The following MYH3 variants were observed in gnomAD, a reference collection of about 807,000 sequenced individuals.
The protein encoded by MYH3 is myosin heavy chain 3, also known as myosin-3.
Under a neutral mutation model 238.0 loss-of-function variants are expected in MYH3, and 130 were observed. That is an observed-to-expected ratio of 0.55 (90% CI 0.47 to 0.63). The LOEUF is 0.63. Among genes scored for constraint, MYH3 ranks in the 30% least tolerant of loss-of-function variants. MYH3 has a pLI of 0.00. For missense variants in MYH3, 1,853 were observed against 2,374.9 expected, an observed-to-expected ratio of 0.78 and a Z score of 4.57; for synonymous variants, 880 against 924.1, an observed-to-expected ratio of 0.95 and a Z score of 0.86.
At position 10,629,660 on chromosome 17, in the gene MYH3, C is replaced by T. The variant is rs1350282833; in HGVS notation, c.5733G>A (p.Ala1911=). 33 of 1,614,094 alleles carry T rather than the reference C, an allele frequency of 2.0e-5. No individual in the cohort carries two copies. Among genetic ancestry groups the T allele is most frequent in the Non-Finnish European group, 2.5e-5 (30 of 1,180,062 alleles). The change falls in exon 40 of 41, where the codon GCG becomes GCA. Residue 1911 remains alanine (A), a synonymous_variant. Coordinates refer to ENST00000583535, the MANE Select transcript of MYH3 (RefSeq NM_002470.4). ...QHELEEAEER[A]DIAESQVNKL... ...TGTTGACTTGAGATTCTGCGATATC[C>T]GCACGTTCCTCGGCCTCCTCCAGCT...
intron 17 of MYH3, among the ~76,000 whole-genome samples, 173 bp from the exon 18 acceptor site, chr17:10,641,545 C>T (rs1216128529): frequency 7.3e-5 from 10 of 136,238 alleles, no homozygotes; most frequent in South Asian, 4.8e-4. Flanking sequence ...GACGGAGTCT[C>T]GCTCTGTCAC....
the MYH3 span, among the ~76,000 whole-genome samples, chr17:10,671,860 T>A: frequency 6.6e-6 from 1 of 152,146 alleles, no homozygotes; most frequent in Non-Finnish European, 1.5e-5. Context: ...ATTACAGGCG[T>A]GAGCACCTGT....
chr17:10,650,757 A>G (rs2142421223), intron 5 of MYH3, among the ~76,000 whole-genome samples: 1 of 152,316 alleles, frequency 6.6e-6, no homozygotes, highest in Non-Finnish European at 1.5e-5. Context: ...TATACAATGC[A>G]TTATTACTTA....
chr17:10,660,925 C>T (rs547245839), upstream of MYH3, among the ~76,000 whole-genome samples: 2 of 151,600 alleles, frequency 1.3e-5, no homozygotes, highest in Non-Finnish European at 2.9e-5. Context: ...GCAGACATTG[C>T]AGTAAGCCGA....
At chr17:10,640,750 T>C (rs915922465) in intron 19 of MYH3, 64 bp from the exon 20 acceptor site, 299 of 1,575,530 alleles carry the variant, frequency 1.9e-4, no homozygotes, top group Non-Finnish European at 2.4e-4. Flanking sequence ...GGAGAACATG[T>C]AGTTCAGGCC....
At chr17:10,655,664 T>G (rs1210772845) in intron 2 of MYH3, among the ~76,000 whole-genome samples, 1 of 151,984 alleles carries the variant, frequency 6.6e-6, no homozygotes, top group Non-Finnish European at 1.5e-5. Flanking sequence ...TCCTTGCCTT[T>G]TTTTTTTGAG....
intron 34 of MYH3, 114 bp downstream of exon 34, chr17:10,632,361 CT>C: frequency 8.2e-7 from 1 of 1,216,876 alleles, no homozygotes; most frequent in Non-Finnish European, 1.2e-6. Context: ...TCAAGTGAGC[CT>C]CTTGCCTCAG....
the MYH3 span, chr17:10,672,935 T>C: frequency 6.6e-6 from 1 of 152,054 alleles, no homozygotes; most frequent in East Asian, 1.9e-4. Context: ...CAAAAGAGAG[T>C]TGAAGTTTAG....
In MYH3 at chr17:10,642,482, C is replaced by T. The variant is rs745326878; in HGVS notation, c.1823G>A (p.Gly608Glu). 2 of 1,614,016 alleles carry T rather than the reference C, an allele frequency of 1.2e-6. No individual in the cohort carries two copies. The highest frequency in any genetic ancestry group is 2.2e-5 in the South Asian group (2 of 91,082). Residue 608 changes from glycine to glutamate, a missense_variant, in exon 16 of 41, where the codon GGG (glycine) becomes GAG (glutamate). Gly to Glu is a moderately conservative substitution (Grantham distance 98). Transcript: ENST00000583535. The surrounding 1 kb of genome is among the most constrained non-coding windows in gnomAD (Gnocchi z 5.4). ...CCTGTTGGAAGACTTCTGGTACAGC[C>T]CAACCACAGTCTCGTTCAGAGGGTC... is the stretch of plus-strand genomic sequence containing the variant. ...NKDPLNETVV[G>E]LYQKSSNRLL... is the part of the protein sequence containing the mutation.
the MYH3 span, among the ~76,000 whole-genome samples, chr17:10,665,444 A>G: frequency 1.2e-4 from 19 of 152,208 alleles, no homozygotes; most frequent in Non-Finnish European, 2.2e-4. Flanking sequence ...AACCCAGACT[A>G]TAACCTTTAA....
chr17:10,655,579 GAAC>G (rs1567564369), intron 2 of MYH3, among the ~76,000 whole-genome samples: 1 of 152,186 alleles, frequency 6.6e-6, no homozygotes, highest in Non-Finnish European at 1.5e-5. Context: ...GGGTTGCTAA[GAAC>G]AAAATCAAGC....
At chr17:10,651,377 C>A in intron 5 of MYH3, 135 bp downstream of exon 5, 1 of 1,510,286 alleles carries the variant, frequency 6.6e-7, no homozygotes, top group South Asian at 1.1e-5. Context: ...CCCCTTTCTG[C>A]CTCTTTTGGC....
In MYH3 at chr17:10,641,114, G is replaced by A. The variant is rs1206664734; in HGVS notation, c.2136C>T (p.Asn712=). The change falls in exon 19 of 41, where the codon AAC becomes AAT. Residue 712 remains asparagine (N), a synonymous_variant. Transcript: ENST00000583535. ...GIRICRKGFP[N]RILYGDFKQR... ...GTTTAAAATCGCCATAGAGAATCCT[G>A]TTTGGGAACCCTTTCCTGCAGATGC... 1.9e-6 allele frequency: 3 copies of A among 1,612,710 alleles called. No homozygotes were observed. Among genetic ancestry groups the A allele is most frequent in the Non-Finnish European group, 2.5e-6 (3 of 1,179,386 alleles).
At chr17:10,673,851 A>C in the MYH3 span, 1 of 152,230 alleles carries the variant, frequency 6.6e-6, no homozygotes, top group Non-Finnish European at 1.5e-5. Flanking sequence ...TCTGACAGGG[A>C]GTGACAGTCG....
chr17:10,637,082 A>C (rs1197571677), intron 28 of MYH3, among the ~76,000 whole-genome samples: 1 of 148,302 alleles, frequency 6.7e-6, no homozygotes, highest in Non-Finnish European at 1.5e-5. Flanking sequence ...TTTTTGAGAC[A>C]GAGTTTCATT....
the MYH3 span, among the ~76,000 whole-genome samples, chr17:10,668,767 T>G: frequency 1.3e-5 from 2 of 152,232 alleles, no homozygotes; most frequent in Non-Finnish European, 2.9e-5. Context: ...GGAGTTTACA[T>G]CAGTAGTTTT....
At chr17:10,663,732 G>A in the MYH3 span, among the ~76,000 whole-genome samples, 2 of 149,986 alleles carry the variant, frequency 1.3e-5, no homozygotes, top group Non-Finnish European at 3.0e-5. Context: ...CTTGGTATAT[G>A]TGTCACCTAT....
At chr17:10,648,699 G>C in intron 7 of MYH3, 50 bp from the exon 8 acceptor site, 1 of 1,476,894 alleles carries the variant, frequency 6.8e-7, no homozygotes, top group Non-Finnish European at 9.5e-7. Flanking sequence ...TTTTGAGATG[G>C]AGTTACACTC....
intron 1 of MYH3, among the ~76,000 whole-genome samples, chr17:10,656,537 CAAAAAAAAAAAA>C (rs71139057): frequency 1.8e-5 from 1 of 55,898 alleles, no homozygotes; most frequent in Non-Finnish European, 5.2e-5. Context: ...AATTCTGTCT[CAAAAAAAAAAAA>C]AAAAAAAAAA....
Sources: gnomAD v4.1 joint callset for allele counts (sites outside exome capture counted in the v4.1 genomes callset) on GRCh38, gnomAD v4.1.1 for gene constraint, Gnocchi (gnomAD v3.1) non-coding constraint, MANE v1.5 for transcripts, NCBI Gene and HGNC (gene_info 2026-07-23, HGNC 2026-07-21) for gene names.